Variants in SAMTOR observed in about 807,000 individuals in gnomAD.
SAMTOR encodes UPF0532 protein C7orf60.
the SAMTOR span, among the ~76,000 whole-genome samples, chr7:112,834,209 A>G: frequency 6.6e-6 from 1 of 152,316 alleles, no homozygotes; most frequent in South Asian, 2.1e-4. Context: ...TCTTTACAAT[A>G]TTCAATCTTC....
chr7:112,869,353 T>G, the SAMTOR span, among the ~76,000 whole-genome samples: 1 of 152,060 alleles, frequency 6.6e-6, no homozygotes, highest in Non-Finnish European at 1.5e-5. Context: ...CGCCTCCTGC[T>G]GGCTCTTACT....
the SAMTOR span, among the ~76,000 whole-genome samples, chr7:112,913,797 C>T: frequency 6.6e-6 from 1 of 152,132 alleles, no homozygotes. Context: ...CTTACTGTCT[C>T]ATTTCCTTTA....
chr7:112,928,069 C>A, the SAMTOR span, among the ~76,000 whole-genome samples: 1 of 151,942 alleles, frequency 6.6e-6, no homozygotes, highest in Non-Finnish European at 1.5e-5. Context: ...ATAGCACATT[C>A]ATTAATTTAA....
the SAMTOR span, among the ~76,000 whole-genome samples, chr7:112,882,307 T>C: frequency 6.6e-6 from 1 of 152,124 alleles, no homozygotes; most frequent in East Asian, 1.9e-4. Flanking sequence ...ATGAGCCCAG[T>C]GGGCTCAAGC....
the SAMTOR span, among the ~76,000 whole-genome samples, chr7:112,927,356 A>G: frequency 6.6e-6 from 1 of 152,140 alleles, no homozygotes; most frequent in Non-Finnish European, 1.5e-5. Context: ...AAGGTAAATC[A>G]GGAGCTAGAA....
chr7:112,879,756 T>A, the SAMTOR span, among the ~76,000 whole-genome samples: 1 of 152,178 alleles, frequency 6.6e-6, no homozygotes, highest in South Asian at 2.1e-4. Context: ...CTGTAGAACA[T>A]ACATCTGCCA....
At chr7:112,878,371 T>C in the SAMTOR span, among the ~76,000 whole-genome samples, 2 of 152,124 alleles carry the variant, frequency 1.3e-5, no homozygotes, top group African/African-American at 4.8e-5. Context: ...GCAAATAATG[T>C]TTTAGTATGA....
At chr7:112,926,850 A>C in the SAMTOR span, among the ~76,000 whole-genome samples, 1 of 152,138 alleles carries the variant, frequency 6.6e-6, no homozygotes, top group East Asian at 1.9e-4. Flanking sequence ...TCCTGGACCC[A>C]AAACTTTTAT....
chr7:112,825,196 A>ATTTT, the SAMTOR span, among the ~76,000 whole-genome samples: 5 of 144,468 alleles, frequency 3.5e-5, no homozygotes, highest in African/African-American at 1.3e-4. Flanking sequence ...TAATTTTTCT[A>ATTTT]TTTTTTTTTT....
the SAMTOR span, among the ~76,000 whole-genome samples, chr7:112,886,049 G>A: frequency 6.6e-6 from 1 of 152,176 alleles, no homozygotes; most frequent in Non-Finnish European, 1.5e-5. Flanking sequence ...GCAAGGAGAA[G>A]TGCTGAGCAA....
the SAMTOR span, among the ~76,000 whole-genome samples, chr7:112,858,630 T>C: frequency 6.6e-6 from 1 of 152,200 alleles, no homozygotes; most frequent in African/African-American, 2.4e-5. Flanking sequence ...TTCAAACTAA[T>C]GTGATTTTAA....
chr7:112,863,777 T>C, the SAMTOR span, among the ~76,000 whole-genome samples: 1 of 151,992 alleles, frequency 6.6e-6, no homozygotes, highest in African/African-American at 2.4e-5. Flanking sequence ...GCTAGCAAGG[T>C]TGTGGGGAAA....
the SAMTOR span, among the ~76,000 whole-genome samples, chr7:112,891,222 CAT>C: frequency 2.0e-5 from 3 of 152,134 alleles, no homozygotes; most frequent in Admixed American, 6.5e-5. Context: ...GTCCATAACA[CAT>C]GAGTTAAAGG....
chr7:112,881,150 T>G, the SAMTOR span, among the ~76,000 whole-genome samples: 1 of 152,228 alleles, frequency 6.6e-6, no homozygotes, highest in South Asian at 2.1e-4. Flanking sequence ...CAGGCATTGT[T>G]GTAACCTGGC....
At chr7:112,895,817 A>C in the SAMTOR span, 22 of 953,930 alleles carry the variant, frequency 2.3e-5, no homozygotes, top group African/African-American at 3.4e-4. Flanking sequence ...GGCTTTTATT[A>C]ATCAAGATGG....
chr7:112,894,356 C>T, the SAMTOR span, among the ~76,000 whole-genome samples: 1 of 152,070 alleles, frequency 6.6e-6, no homozygotes, highest in East Asian at 1.9e-4. Flanking sequence ...ATAGTAACAT[C>T]AAAGATCACT....
the SAMTOR span, among the ~76,000 whole-genome samples, chr7:112,825,878 A>G: frequency 6.6e-6 from 1 of 151,448 alleles, no homozygotes; most frequent in African/African-American, 2.4e-5. Flanking sequence ...TTAAATCAGG[A>G]AAGTCCAGAT....
chr7:112,877,460 C>T, the SAMTOR span, among the ~76,000 whole-genome samples: 3 of 151,982 alleles, frequency 2.0e-5, no homozygotes, highest in South Asian at 2.1e-4. Context: ...CATATTAGAA[C>T]GTATAGGTGA....
the SAMTOR span, among the ~76,000 whole-genome samples, chr7:112,824,717 T>C: frequency 6.6e-6 from 1 of 152,172 alleles, no homozygotes; most frequent in Non-Finnish European, 1.5e-5. Context: ...CTTTTGTATA[T>C]GGATACCCCT....
Sources: gnomAD v4.1 joint callset for allele counts (sites outside exome capture counted in the v4.1 genomes callset) on GRCh38, gnomAD v4.1.1 for gene constraint, MANE v1.5 for transcripts, NCBI Gene and HGNC (gene_info 2026-07-23, HGNC 2026-07-21) for gene names.